Variants in DMD observed in about 807,000 individuals in gnomAD.
DMD encodes mutant dystrophin.
A neutral mutation model predicts 330.1 loss-of-function variants in DMD; 63 were observed. That is an observed-to-expected ratio of 0.19 (90% CI 0.16 to 0.24). The LOEUF is 0.24. Among genes scored for constraint, DMD ranks in the 10% least tolerant of loss-of-function variants. The probability of loss-of-function intolerance (pLI) is 1.00; values close to 1 mark genes in which losing one functional copy is unlikely to be tolerated. For synonymous variants in DMD, 1,223 were observed against 959.8 expected, an observed-to-expected ratio of 1.27 and a Z score of -5.07; for missense variants, 3,344 against 2,684.1, an observed-to-expected ratio of 1.25 and a Z score of -5.43.
intron 7 of DMD, among the ~76,000 whole-genome samples, chrX:32,708,489 T>A (rs969408286): frequency 9.0e-6 from 1 of 111,418 alleles, no homozygotes; most frequent in Non-Finnish European, 1.9e-5. Context: ...TTAGGGATGA[T>A]GTTAACAGAG....
At chrX:31,168,534 G>A (rs759176820) in intron 74 of DMD, among the ~76,000 whole-genome samples, 4 of 111,672 alleles carry the variant, frequency 3.6e-5, no homozygotes, top group African/African-American at 1.3e-4. Flanking sequence ...TCATCCTGAA[G>A]TGGCATACTC....
intron 52 of DMD, among the ~76,000 whole-genome samples, chrX:31,715,492 G>C (rs1398662129): frequency 1.1e-5 from 1 of 94,670 alleles, no homozygotes; most frequent in African/African-American, 4.0e-5. Context: ...GCAGTGAGCC[G>C]AGATCCCGCC....
chrX:32,667,212 T>C (rs1436679335), intron 9 of DMD, among the ~76,000 whole-genome samples: 1 of 111,651 alleles, frequency 9.0e-6, no homozygotes. Flanking sequence ...GAAATCACCC[T>C]ACATTTGACT....
At chrX:31,380,233 G>C (rs747856315) in intron 60 of DMD, among the ~76,000 whole-genome samples, 2 of 110,226 alleles carry the variant, frequency 1.8e-5, no homozygotes, top group East Asian at 5.7e-4. Context: ...CTCCTTTTTA[G>C]TTATCCCCAC....
At chrX:32,783,066 T>C (rs1017842161) in intron 7 of DMD, among the ~76,000 whole-genome samples, 14 of 98,099 alleles carry the variant, frequency 1.4e-4, no homozygotes, top group Non-Finnish European at 4.0e-5. Context: ...ACATATATGG[T>C]GTATATATAC....
intron 7 of DMD, among the ~76,000 whole-genome samples, chrX:32,791,103 A>G (rs2075786053): frequency 9.0e-6 from 1 of 111,006 alleles, no homozygotes. Context: ...AGCTTCCACT[A>G]CCACCAAAGC....
At chrX:31,158,290 G>T (rs1174850473) in intron 74 of DMD, among the ~76,000 whole-genome samples, 2 of 111,630 alleles carry the variant, frequency 1.8e-5, no homozygotes, top group African/African-American at 6.5e-5. Flanking sequence ...TACTAATACG[G>T]GCTATAATAT....
At position 31,496,792 on chromosome X, in the gene DMD, T is replaced by C. The variant is rs146890210; in HGVS notation, c.8543A>G (p.His2848Arg). Residue 2848 changes from histidine to arginine, a missense_variant, in exon 57 of 79, where the codon CAT becomes CGT. His to Arg is a conservative substitution (Grantham distance 29). Coordinates refer to ENST00000357033, the MANE Select transcript of DMD (RefSeq NM_004006.3). ...CGAGGCTTAAAAATGTCCTACCCTA[T>C]GTACATCGTTCTGCTTCTGAACTGC... ...FPAVQKQNDV[H>R]RAFKRELKTK... 1.6e-5 allele frequency: 19 copies of C among 1,210,960 alleles called. No individual in the cohort carries two copies. Among genetic ancestry groups the C allele is most frequent in the African/African-American group, 1.2e-4 (7 of 57,536 alleles).
chrX:32,852,254 T>A (rs2081197413), intron 2 of DMD, among the ~76,000 whole-genome samples: 1 of 111,597 alleles, frequency 9.0e-6, no homozygotes, highest in African/African-American at 3.3e-5. Flanking sequence ...TTCCAGGCCC[T>A]GGCTCCTGAG....
chrX:32,767,542 C>A (rs1307274165), intron 7 of DMD, among the ~76,000 whole-genome samples: 1 of 111,490 alleles, frequency 9.0e-6, no homozygotes, highest in Admixed American at 9.6e-5. Flanking sequence ...TATTTCTTCT[C>A]TCCTCTATTT....
intron 44 of DMD, among the ~76,000 whole-genome samples, chrX:32,122,602 C>T (rs906328802): frequency 9.0e-6 from 1 of 111,327 alleles, no homozygotes; most frequent in Admixed American, 9.6e-5. Flanking sequence ...TCTCTCTGTG[C>T]CCCCTGCCCA....
Position 32,531,922 on chromosome X carries a change from T to C in DMD, c.2168+13237A>G, listed in dbSNP as rs1186525693. Among the ~76,000 whole-genome samples, 3 of 111,707 alleles carry C rather than the reference T, an allele frequency of 2.7e-5. No individual in the cohort carries two copies. In the East Asian group the frequency reaches 8.4e-4, roughly 31 times the overall value. On this transcript the variant is annotated intron_variant, in intron 17 of 78. Coordinates refer to ENST00000357033, the MANE Select transcript of DMD (RefSeq NM_004006.3). ...AAATTTTTCATTAAAATATGATCCT[T>C]AGTTGTATACTTTGTACCCTAATGG... is the stretch of plus-strand genomic sequence containing the variant.
rs1557305776 is a variant in DMD at position 32,365,204 on chromosome X, G to T, written c.4846-5C>A. 2 of 1,208,848 alleles carry T rather than the reference G, an allele frequency of 1.7e-6. No homozygotes were observed. Among genetic ancestry groups the T allele is most frequent in the Non-Finnish European group, 2.2e-6 (2 of 893,550 alleles). ...CTCAATCTCTTTTTGAGTAGCCTGT[G>T]AAAAGGAGAGCATTGACCTTCAAGT... On this transcript the variant is annotated splice_region_variant and splice_polypyrimidine_tract_variant and intron_variant, in intron 34 of 78. Transcript: ENST00000357033.
At chrX:32,067,748 A>G (rs1001571733) in intron 44 of DMD, among the ~76,000 whole-genome samples, 5 of 111,936 alleles carry the variant, frequency 4.5e-5, no homozygotes, top group Non-Finnish European at 9.4e-5. Context: ...ACTTTATCCA[A>G]TCCAACGTTG....
chrX:32,884,249 CAGCAGGCCCA>C (rs2084307175), intron 2 of DMD, among the ~76,000 whole-genome samples: 1 of 111,642 alleles, frequency 9.0e-6, no homozygotes, highest in African/African-American at 3.3e-5. Flanking sequence ...CCAGGGAATA[CAGCAGGCCCA>C]GTGATAATTC....
intron 1 of DMD, among the ~76,000 whole-genome samples, chrX:33,278,913 C>T (rs192929185): frequency 2.7e-4 from 30 of 111,433 alleles, no homozygotes; most frequent in Admixed American, 2.0e-3. Flanking sequence ...ACACCAATGT[C>T]CTAAATCAAG....
At chrX:31,357,023 A>T (rs2058711562) in intron 60 of DMD, among the ~76,000 whole-genome samples, 1 of 109,848 alleles carries the variant, frequency 9.1e-6, no homozygotes, top group African/African-American at 3.3e-5. Flanking sequence ...TTATCTTAAA[A>T]AATAGGTTCC....
At chrX:32,937,820 C>A (rs1411926132) in intron 2 of DMD, among the ~76,000 whole-genome samples, 3 of 110,164 alleles carry the variant, frequency 2.7e-5, no homozygotes, top group Admixed American at 2.0e-4. Context: ...CTGAGGTAAC[C>A]AATATTATAT....
At chrX:32,490,069 A>C (rs2042851296) in intron 20 of DMD, among the ~76,000 whole-genome samples, 1 of 112,200 alleles carries the variant, frequency 8.9e-6, no homozygotes, top group East Asian at 2.8e-4. Context: ...TCTCTTCAAA[A>C]TAGCTTTGAA....
Sources: allele counts gnomAD v4.1 joint callset (sites outside exome capture counted in the v4.1 genomes callset), GRCh38; gene constraint gnomAD v4.1.1; transcripts MANE v1.5; gene names NCBI Gene and HGNC (gene_info 2026-07-23, HGNC 2026-07-21).